Variants in PARP9 observed in about 807,000 individuals in gnomAD.
PARP9 encodes the protein protein mono-ADP-ribosyltransferase PARP9.
Under a neutral mutation model 68.8 loss-of-function variants are expected in PARP9, and 48 were observed. The observed-to-expected ratio is 0.70, with a 90% CI of 0.55 to 0.89. The LOEUF (loss-of-function observed/expected upper bound fraction) is 0.89. Ranked by LOEUF, PARP9 falls within the 40% of genes least tolerant of loss-of-function variation. The probability of loss-of-function intolerance (pLI) is 0.00; values close to 1 mark genes in which losing one functional copy is unlikely to be tolerated. For missense variants in PARP9, 806 were observed against 969.3 expected, an observed-to-expected ratio of 0.83 and a Z score of 2.24; for synonymous variants, 309 against 333.8, an observed-to-expected ratio of 0.93 and a Z score of 0.81.
intron 4 of PARP9, 101 bp from the exon 5 acceptor site, chr3:122,552,740 T>C (rs1423250319): frequency 1.2e-6 from 1 of 833,928 alleles, no homozygotes; most frequent in Non-Finnish European, 1.9e-6. Context: ...AAATACTCTT[T>C]GAAGATCCTA....
chr3:122,552,526 C>A lies in PARP9; in HGVS notation c.999G>T (p.Lys333Asn). 6.2e-7 allele frequency: 1 copy of A among 1,614,062 alleles called. No individual in the cohort carries two copies. The highest frequency in any genetic ancestry group is 1.3e-5 in the African/African-American group (1 of 75,018). Residue 333 changes from lysine to asparagine, a missense_variant, in exon 5 of 11, where the codon AAG (lysine) becomes AAT (asparagine). Physicochemically the swap from Lys to Asn is moderately conservative, Grantham distance 94 (BLOSUM62 0). Transcript: ENST00000682323. Reference sequence around the variant, plus strand: ...ACTGGGACCGTTGAAACTGTTTAGCCTTTGTGGCAAGAAATTCCGATTTCA... The same window carrying A: ...ACTGGGACCGTTGAAACTGTTTAGCATTTGTGGCAAGAAATTCCGATTTCA... ...VEMKSEFLAT[K>N]AKQFQRSQLV...
chr3:122,562,586 T>C lies in PARP9; in HGVS notation c.-90+1659A>G, dbSNP rs143496417. The stretch of plus-strand genomic sequence containing the variant: ...ATTTACATGGTTCAAATTTAGAAAA[T>C]GTAAAAGGTTTCCTCCTGTCTCCGC... On this transcript the variant is annotated intron_variant, in intron 1 of 10. Transcript: ENST00000682323. 1.7e-3 allele frequency among the ~76,000 whole-genome samples: 254 copies of C among 152,332 alleles called. 1 individual carries two copies. The highest frequency in any genetic ancestry group is 3.1e-3 in the Non-Finnish European group (208 of 68,034).
Position 122,558,436 on chromosome 3 carries a change from G to A in PARP9, c.47C>T (p.Ser16Leu). ...VAGAAAYNEK[S>L]ETGALGENYS... ...GAGTGAGAGCGAGGTAATCCTACCT[G>A]ATTTTTCATTGTAAGCTGCTGCTCC... Residue 16 changes from serine to leucine, a missense_variant and splice_region_variant, in exon 3 of 11, where the codon TCA (serine) becomes TTA (leucine). Physicochemically the swap from Ser to Leu is moderately radical, Grantham distance 145. Transcript: ENST00000682323. 1 of 1,614,114 alleles carries A rather than the reference G, an allele frequency of 6.2e-7. No homozygotes were observed.
rs1383082675 is a variant in PARP9, at chr3:122,555,907, C to A, written c.264G>T (p.Trp88Cys). The A allele has an allele frequency of 1.2e-6, 2 of 1,614,048 alleles. No homozygotes were observed. The highest frequency in any genetic ancestry group is 1.7e-6 in the Non-Finnish European group (2 of 1,179,992). The change falls in exon 4 of 11, where the codon TGG becomes TGT. Residue 88 changes from tryptophan (W) to cysteine (C), a missense_variant. By Grantham distance (215) the Trp-to-Cys change is radical. This residue lies in a region of PARP9 where 126 missense variants were observed against 110.5 expected (regional missense o/e 1.14). Coordinates refer to ENST00000682323, the MANE Select transcript of PARP9 (RefSeq NM_001146105.2). ...MLTPRIELSV[W>C]KDDLTTHAVD... is the part of the protein sequence containing the mutation. ...CAGCATGTGTGGTGAGGTCATCTTT[C>A]CAGACTGATAACTCTATCCTAGGAG...
intron 6 of PARP9, among the ~76,000 whole-genome samples, chr3:122,546,293 A>G (rs958409042): frequency 6.6e-5 from 10 of 152,260 alleles, no homozygotes; most frequent in African/African-American, 2.4e-4. Context: ...GACATGTAGT[A>G]AGATGCTCTT....
At chr3:122,564,163 G>GCGCCCGTCCCCCTTCTCCC (rs2080483909) in intron 1 of PARP9, 82 bp downstream of exon 1, 2 of 474,034 alleles carry the variant, frequency 4.2e-6, no homozygotes, top group Non-Finnish European at 7.4e-6. Flanking sequence ...ACCCGGGTCC[G>GCGCCCGTCCCCCTTCTCCC]CGCCCGTCCC....
Position 122,537,206 on chromosome 3 carries a change from A to G in PARP9, c.1766-133T>C, listed in dbSNP as rs2077714384. 6.8e-6 allele frequency: 6 copies of G among 887,562 alleles called. No individual in the cohort carries two copies. In the South Asian group the frequency reaches 1.1e-4, roughly 16 times the overall value. 55.0% of individuals were successfully genotyped at this position (887,562 alleles called of 1,614,324 possible). On this transcript the variant is annotated intron_variant, in intron 8 of 10. Transcript: ENST00000682323. ...ATTGTGTGCCTCATGTGTTTAGGAC[A>G]TGCGAGGAGAGCTATAATACTACGA...
chr3:122,545,346 C>T (rs2078619941), intron 7 of PARP9, 86 bp downstream of exon 7: 12 of 1,373,964 alleles, frequency 8.7e-6, no homozygotes, highest in Non-Finnish European at 1.2e-5. Context: ...TATTCTTCTT[C>T]TCCCCTCCGT....
intron 9 of PARP9, 65 bp downstream of exon 9, chr3:122,536,869 T>C: frequency 6.5e-7 from 1 of 1,542,766 alleles, no homozygotes; most frequent in Non-Finnish European, 8.8e-7. Flanking sequence ...GAGCTTTTCC[T>C]TTGGCTACAG....
chr3:122,558,458 C>T lies in PARP9; in HGVS notation c.25G>A (p.Ala9Thr), dbSNP rs79082034. Reference protein sequence around the residue: MDFSMVAGAAAYNEKSETG... With the variant: MDFSMVAGTAAYNEKSETG... ...CCTGATTTTTCATTGTAAGCTGCTG[C>T]TCCGGCCACCTGTGAAAAATGAGAA... is the stretch of plus-strand genomic sequence containing the variant. Residue 9 changes from alanine to threonine, a missense_variant, in exon 3 of 11, where the codon GCA (alanine) becomes ACA (threonine). Physicochemically the swap from Ala to Thr is moderately conservative, Grantham distance 58. Coordinates refer to ENST00000682323, the MANE Select transcript of PARP9 (RefSeq NM_001146105.2). 2,047 of 1,613,948 alleles carry T rather than the reference C, an allele frequency of 1.3e-3. 24 individuals carry two copies. The African/African-American group carries it at 0.025, about 20-fold the overall frequency.
intron 8 of PARP9, among the ~76,000 whole-genome samples, chr3:122,539,507 A>ATCTCTTTCTTTCTTTCTTTCTTTCTTTC (rs1008859984): frequency 7.5e-6 from 1 of 133,236 alleles, no homozygotes; most frequent in African/African-American, 2.9e-5. Context: ...CCAAGATGGC[A>ATCTCTTTCTTTCTTTCTTTCTTTCTTTC]TTTCTTTCTT....
rs539315970 is a variant in PARP9, at chr3:122,562,122, T to C, written c.-90+2123A>G. On this transcript the variant is annotated intron_variant, in intron 1 of 10. Transcript: ENST00000682323. ...CCACTGACACTGCCTCACTTCAGAG[T>C]CTCAGCAACTTTTGCCTGAGCTGTG... 2.6e-5 allele frequency among the ~76,000 whole-genome samples: 4 copies of C among 152,110 alleles called. No individual in the cohort carries two copies. In the South Asian group the frequency reaches 8.3e-4, roughly 32 times the overall value.
chr3:122,535,659 G>C lies in PARP9; in HGVS notation c.2080+509C>G, dbSNP rs1053385259. ...CACATAGAACTCCTATGGATGAAGAGGATCTTAAGATGTTATGCACTTCAC... is the reference window on the plus strand; with the variant it reads ...CACATAGAACTCCTATGGATGAAGACGATCTTAAGATGTTATGCACTTCAC... On this transcript the variant is annotated intron_variant, in intron 10 of 10. Transcript: ENST00000682323. 9 of 986,498 alleles carry C rather than the reference G, an allele frequency of 9.1e-6. No individual in the cohort carries two copies. In the African/African-American group the frequency reaches 1.4e-4, roughly 15 times the overall value. 61.1% of individuals were successfully genotyped at this position (986,498 alleles called of 1,614,324 possible).
In PARP9 at chr3:122,545,430, A is replaced by T. The variant is rs778809249; in HGVS notation, c.1384+2T>A. On this transcript the variant is annotated splice_donor_variant, in intron 7 of 10. Coordinates refer to ENST00000682323, the MANE Select transcript of PARP9 (RefSeq NM_001146105.2). LOFTEE classifies it high-confidence loss of function. Reference sequence around the variant, plus strand: ...TTATTGGCCTGTGAATTTCTTACTCACCACTGTAATTGTTCAAACTCAGCA... The same window carrying T: ...TTATTGGCCTGTGAATTTCTTACTCTCCACTGTAATTGTTCAAACTCAGCA... 2.5e-6 allele frequency: 4 copies of T among 1,614,176 alleles called. No homozygotes were observed. In the East Asian group the frequency reaches 6.7e-5, roughly 27 times the overall value.
intron 7 of PARP9, among the ~76,000 whole-genome samples, chr3:122,544,726 C>T (rs1355047663): frequency 1.3e-5 from 2 of 152,124 alleles, no homozygotes; most frequent in Non-Finnish European, 2.9e-5. Flanking sequence ...GTCCAAGCTA[C>T]TTGGGAGACT....
intron 8 of PARP9, 103 bp downstream of exon 8, chr3:122,540,369 T>C: frequency 2.2e-6 from 3 of 1,390,228 alleles, no homozygotes; most frequent in Non-Finnish European, 2.9e-6. Flanking sequence ...TGATCCCTCC[T>C]CTCTCCTTCT....
rs1425223806 is a variant in PARP9 at position 122,555,352 on chromosome 3, A to C, written c.819T>G (p.Ser273=). ...GGTTGTTCACGACCATTGCATTGAA[A>C]GAAGGGGTGGTTTCTTGTCCCAGCT... The part of the protein sequence containing the change: ...KSELGQETTP[S]FNAMVVNNLT... The change falls in exon 4 of 11, where the codon TCT becomes TCG. Residue 273 remains serine (S), a synonymous_variant. Transcript: ENST00000682323. 2.5e-6 allele frequency: 4 copies of C among 1,614,158 alleles called. No homozygotes were observed. The highest frequency in any genetic ancestry group is 3.4e-6 in the Non-Finnish European group (4 of 1,179,998).
intron 10 of PARP9, chr3:122,532,219 G>A (rs895520694): frequency 5.8e-5 from 57 of 985,512 alleles, no homozygotes; most frequent in Non-Finnish European, 6.9e-5. Context: ...TTCCTGTGTG[G>A]CAGGAGGAAC....
At chr3:122,551,952 G>A (rs1405711953) in intron 5 of PARP9, among the ~76,000 whole-genome samples, 9 of 152,208 alleles carry the variant, frequency 5.9e-5, no homozygotes, top group African/African-American at 2.2e-4. Context: ...GACAGTCTCT[G>A]TCACCCAGGC....
Sources: allele counts gnomAD v4.1 joint callset (sites outside exome capture counted in the v4.1 genomes callset), GRCh38; gene constraint gnomAD v4.1.1; regional missense constraint gnomAD v4.1.1; transcripts MANE v1.5; gene names NCBI Gene and HGNC (gene_info 2026-07-23, HGNC 2026-07-21).